Variants in GPC6 observed in about 807,000 individuals in gnomAD.
The protein encoded by GPC6 is glypican-6.
A neutral mutation model predicts 55.2 loss-of-function variants in GPC6; 14 were observed. The ratio of observed to expected loss-of-function variants is 0.25; its 90% CI spans 0.17 to 0.40. GPC6 has a LOEUF of 0.40. GPC6 is among the 10% of genes least tolerant of loss of function. The pLI, the probability that GPC6 is intolerant of heterozygous loss-of-function variation, is 1.00. For missense variants in GPC6, 641 were observed against 708.5 expected (o/e 0.90, Z 1.08); for synonymous variants, 278 against 259.6 (o/e 1.07, Z -0.68).
intron 1 of GPC6, among the ~76,000 whole-genome samples, chr13:93,455,127 G>T (rs930386873): frequency 2.6e-5 from 4 of 152,156 alleles, no homozygotes; most frequent in Admixed American, 2.0e-4. Context: ...CAGCTGGCCC[G>T]CAAGCGGCGC....
chr13:93,932,148 C>G (rs9556340), intron 3 of GPC6, among the ~76,000 whole-genome samples: 69,803 of 152,086 alleles, frequency 0.46, 16,562 homozygotes, highest in Non-Finnish European at 0.49. Flanking sequence ...ACACATAGGT[C>G]AGATTAATCT....
chr13:93,255,528 C>T (rs952298429), intron 1 of GPC6, among the ~76,000 whole-genome samples: 5 of 151,792 alleles, frequency 3.3e-5, no homozygotes, highest in Admixed American at 1.3e-4. Flanking sequence ...GGTTTTTTTC[C>T]CCCTACATGG....
intron 1 of GPC6, among the ~76,000 whole-genome samples, chr13:93,270,420 AT>A (rs1426433631): frequency 6.6e-6 from 1 of 152,068 alleles, no homozygotes; most frequent in African/African-American, 2.4e-5. Context: ...GATAATATTT[AT>A]ATAATATCAA....
At chr13:94,239,343 A>G (rs1890981100) in intron 4 of GPC6, among the ~76,000 whole-genome samples, 1 of 152,154 alleles carries the variant, frequency 6.6e-6, no homozygotes, top group Non-Finnish European at 1.5e-5. Flanking sequence ...TGTCACGAGC[A>G]AAGGAGGAGT....
chr13:94,286,284 TA>T, intron 4 of GPC6, 64 bp from the exon 5 acceptor site: 1 of 1,558,036 alleles, frequency 6.4e-7, no homozygotes, highest in Non-Finnish European at 8.8e-7. Context: ...TAACAATGTT[TA>T]AACACAGGTT....
At chr13:94,004,198 A>G (rs1336721310) in intron 3 of GPC6, among the ~76,000 whole-genome samples, 2 of 152,116 alleles carry the variant, frequency 1.3e-5, no homozygotes, top group Non-Finnish European at 2.9e-5. Flanking sequence ...ATTTTTGTCT[A>G]TACCACAAAT....
chr13:93,667,321 A>C (rs2139621449), intron 2 of GPC6, among the ~76,000 whole-genome samples: 1 of 152,310 alleles, frequency 6.6e-6, no homozygotes, highest in Middle Eastern at 3.4e-3. Context: ...AGATAATTCC[A>C]GACGATGTAA....
chr13:93,623,127 A>T (rs1268507837), intron 2 of GPC6, among the ~76,000 whole-genome samples: 1 of 152,146 alleles, frequency 6.6e-6, no homozygotes, highest in African/African-American at 2.4e-5. Flanking sequence ...TCCATTGTGT[A>T]TTCATGCCAC....
chr13:94,318,762 T>C (rs565622274), intron 6 of GPC6, among the ~76,000 whole-genome samples: 2 of 152,344 alleles, frequency 1.3e-5, no homozygotes, highest in South Asian at 4.1e-4. Context: ...TGTTTATGGA[T>C]GATGTATATA....
At position 93,580,124 on chromosome 13, in the gene GPC6, T is replaced by C. The variant is rs200550026; in HGVS notation, c.319+34703T>C. ...TCAGGAGGCTGGTGCAAGTCCAAGA[T>C]CAAGGCGCATGCAGATTCAAAGTCT... On this transcript the variant is annotated intron_variant, in intron 2 of 8. Coordinates refer to ENST00000377047, the MANE Select transcript of GPC6 (RefSeq NM_005708.5). 7.2e-5 allele frequency among the ~76,000 whole-genome samples: 11 copies of C among 152,270 alleles called. No individual in the cohort carries two copies. In the East Asian group the frequency reaches 2.1e-3, roughly 29 times the overall value.
intron 3 of GPC6, among the ~76,000 whole-genome samples, chr13:93,957,832 T>A (rs181201287): frequency 6.6e-5 from 10 of 152,304 alleles, no homozygotes; most frequent in Admixed American, 6.5e-4. Flanking sequence ...TAATTTACAT[T>A]CCCAGCAGCA....
At chr13:93,820,655 C>T (rs769801504) in intron 2 of GPC6, among the ~76,000 whole-genome samples, 3 of 149,178 alleles carry the variant, frequency 2.0e-5, no homozygotes, top group Admixed American at 6.7e-5. Flanking sequence ...TTTTCTTAAC[C>T]CAGTATCAAA....
intron 1 of GPC6, among the ~76,000 whole-genome samples, chr13:93,488,293 G>A (rs186296370): frequency 6.6e-6 from 1 of 152,132 alleles, no homozygotes; most frequent in Non-Finnish European, 1.5e-5. Context: ...TACAAAGGAT[G>A]TGAACTCATC....
At chr13:93,754,811 C>A (rs1438060323) in intron 2 of GPC6, among the ~76,000 whole-genome samples, 1 of 151,992 alleles carries the variant, frequency 6.6e-6, no homozygotes, top group African/African-American at 2.4e-5. Context: ...TGTTAGTAAC[C>A]TTTGAGGCCA....
chr13:93,307,646 C>T (rs897942250), intron 1 of GPC6, among the ~76,000 whole-genome samples: 1 of 151,986 alleles, frequency 6.6e-6, no homozygotes, highest in African/African-American at 2.4e-5. Context: ...TTTTAAAAAG[C>T]CACTATGTAA....
upstream of GPC6, among the ~76,000 whole-genome samples, chr13:93,226,025 C>T (rs1156465399): frequency 6.6e-6 from 1 of 152,200 alleles, no homozygotes; most frequent in African/African-American, 2.4e-5. Flanking sequence ...CCTGAATTTT[C>T]ACTTTTATCC....
chr13:93,378,921 G>C (rs1455511013), intron 1 of GPC6, among the ~76,000 whole-genome samples: 1 of 151,160 alleles, frequency 6.6e-6, no homozygotes, highest in Non-Finnish European at 1.5e-5. Flanking sequence ...CATGAACCCA[G>C]GAGGCAAAGG....
rs76985635 is a variant in GPC6 at position 94,281,803 on chromosome 13, A to G, written c.878-4546A>G. Among the ~76,000 whole-genome samples the G allele has an allele frequency of 1.2e-3, 185 of 152,298 alleles. 2 individuals are homozygous for G. In the East Asian group the frequency reaches 0.033, roughly 27 times the overall value. ...TACTCTGAATCTCTCTCACATCCCA[A>G]GGGAGAAATGGTTCCTCACCTGAAG... On this transcript the variant is annotated intron_variant, in intron 4 of 8. Transcript: ENST00000377047.
intron 4 of GPC6, among the ~76,000 whole-genome samples, chr13:94,114,681 A>C (rs989719130): frequency 2.0e-5 from 3 of 152,154 alleles, no homozygotes; most frequent in Admixed American, 1.3e-4. Context: ...TTACCATTGA[A>C]GCTTACATAT....
Sources: gnomAD v4.1 joint callset for allele counts (sites outside exome capture counted in the v4.1 genomes callset) on GRCh38, gnomAD v4.1.1 for gene constraint, MANE v1.5 for transcripts, NCBI Gene and HGNC (gene_info 2026-07-23, HGNC 2026-07-21) for gene names.